The following XKR9 variants were observed in gnomAD, a reference collection of about 807,000 sequenced individuals.
XKR9 encodes the protein XK-related protein 9.
In XKR9, 32 loss-of-function variants were observed where a neutral mutation model predicts 32.0. The ratio of observed to expected loss-of-function variants is 1.00; its 90% confidence interval spans 0.76 to 1.34. The LOEUF is 1.34. Among genes scored for constraint, XKR9 ranks in the 40% most tolerant of loss-of-function variants. XKR9 has a pLI of 0.00. For missense variants in XKR9, 546 were observed against 429.7 expected (o/e 1.27, Z -2.39); for synonymous variants, 168 against 143.4 (o/e 1.17, Z -1.22).
intron 3 of XKR9, among the ~76,000 whole-genome samples, chr8:70,690,753 A>G (rs529660491): frequency 1.3e-4 from 20 of 152,246 alleles, no homozygotes; most frequent in South Asian, 1.0e-3. Flanking sequence ...GGCAAAAGAC[A>G]TGATCTGGTT....
chr8:70,759,807 A>G (rs1050028673), intron 2 of XKR9, among the ~76,000 whole-genome samples: 2 of 152,342 alleles, frequency 1.3e-5, no homozygotes, highest in South Asian at 2.1e-4. Flanking sequence ...AAAATAATGT[A>G]TTAGTTCAAA....
chr8:71,050,232 C>A, the XKR9 span, among the ~76,000 whole-genome samples: 6 of 97,604 alleles, frequency 6.1e-5, no homozygotes, highest in Non-Finnish European at 1.4e-4. Flanking sequence ...TTATGCCTGG[C>A]AGAGATATAT....
At chr8:70,877,974 C>G in the XKR9 span, among the ~76,000 whole-genome samples, 4 of 152,170 alleles carry the variant, frequency 2.6e-5, no homozygotes, top group Non-Finnish European at 5.9e-5. Context: ...AGAAGAAACC[C>G]TATAAGCCAG....
intron 2 of XKR9, among the ~76,000 whole-genome samples, chr8:70,760,881 G>A (rs990514937): frequency 6.6e-6 from 1 of 151,920 alleles, no homozygotes; most frequent in African/African-American, 2.4e-5. Flanking sequence ...CTGCCTTCTG[G>A]TAGGCCCAGT....
At chr8:70,813,011 C>G in the XKR9 span, among the ~76,000 whole-genome samples, 1 of 152,094 alleles carries the variant, frequency 6.6e-6, no homozygotes, top group Non-Finnish European at 1.5e-5. Context: ...AAGAACAAAG[C>G]TGGAGGCATC....
intron 4 of XKR9, among the ~76,000 whole-genome samples, chr8:70,724,072 A>C (rs1485622118): frequency 1.3e-5 from 2 of 151,930 alleles, no homozygotes; most frequent in African/African-American, 4.8e-5. Flanking sequence ...TTTTCTTCGG[A>C]GATGCCCTGC....
the XKR9 span, among the ~76,000 whole-genome samples, chr8:70,929,631 C>T: frequency 6.6e-6 from 1 of 152,164 alleles, no homozygotes; most frequent in Non-Finnish European, 1.5e-5. Flanking sequence ...GTTTATGTTT[C>T]CTTCCTGGCT....
chr8:70,755,598 T>C (rs1807210681), intron 2 of XKR9, among the ~76,000 whole-genome samples: 1 of 152,124 alleles, frequency 6.6e-6, no homozygotes, highest in African/African-American at 2.4e-5. Flanking sequence ...GATGAGTTCA[T>C]GTCCTTTGTA....
intron 1 of XKR9, among the ~76,000 whole-genome samples, chr8:70,673,351 T>C (rs1173554342): frequency 6.6e-6 from 1 of 152,182 alleles, no homozygotes; most frequent in Non-Finnish European, 1.5e-5. Flanking sequence ...GATGAAGGAA[T>C]AGGCCAAATG....
At chr8:70,929,186 G>C in the XKR9 span, among the ~76,000 whole-genome samples, 1 of 152,184 alleles carries the variant, frequency 6.6e-6, no homozygotes, top group East Asian at 1.9e-4. Flanking sequence ...AATAGAACTT[G>C]TCATGGTGAT....
chr8:70,910,218 G>T, the XKR9 span, among the ~76,000 whole-genome samples: 4 of 152,088 alleles, frequency 2.6e-5, no homozygotes, highest in Non-Finnish European at 4.4e-5. Flanking sequence ...AGAGTAAAAG[G>T]CACCTTTCCA....
At chr8:70,696,673 C>T (rs268604) in intron 3 of XKR9, among the ~76,000 whole-genome samples, 130,047 of 134,676 alleles carry the variant, frequency 0.97, 62,961 homozygotes, top group East Asian at 1. Context: ...CGGGCTCTTT[C>T]TTGTTTCCAT....
At chr8:70,795,344 T>C (rs1356338493), downstream of XKR9, among the ~76,000 whole-genome samples, 1 of 152,184 alleles carries the variant, frequency 6.6e-6, no homozygotes, top group Non-Finnish European at 1.5e-5. Context: ...GTGGTGTATA[T>C]GTACCATATT....
At chr8:70,836,214 G>A in the XKR9 span, among the ~76,000 whole-genome samples, 4 of 151,852 alleles carry the variant, frequency 2.6e-5, no homozygotes, top group African/African-American at 7.3e-5. Flanking sequence ...TAATTTTTTA[G>A]GTACAATTTT....
chr8:70,834,464 T>TAG, the XKR9 span, among the ~76,000 whole-genome samples: 1 of 152,176 alleles, frequency 6.6e-6, no homozygotes, highest in African/African-American at 2.4e-5. Context: ...AATCTATGAT[T>TAG]CTCCTATCCT....
At chr8:70,923,621 G>A in the XKR9 span, among the ~76,000 whole-genome samples, 1 of 152,196 alleles carries the variant, frequency 6.6e-6, no homozygotes, top group Non-Finnish European at 1.5e-5. Flanking sequence ...CAACCACAGT[G>A]GGTTAAGCCT....
the XKR9 span, among the ~76,000 whole-genome samples, chr8:70,995,693 T>A: frequency 1.3e-5 from 2 of 152,196 alleles, no homozygotes; most frequent in Non-Finnish European, 2.9e-5. Flanking sequence ...TAAAATTTTT[T>A]TTTCTAGAAA....
chr8:70,715,326 A>G (rs1051579304), intron 4 of XKR9, among the ~76,000 whole-genome samples: 1 of 152,168 alleles, frequency 6.6e-6, no homozygotes, highest in Non-Finnish European at 1.5e-5. Context: ...GAGAGAAAGT[A>G]AGCAAGAATA....
chr8:70,970,903 T>C, the XKR9 span, among the ~76,000 whole-genome samples: 3 of 152,226 alleles, frequency 2.0e-5, no homozygotes, highest in African/African-American at 7.2e-5. Flanking sequence ...TGGCGATTCC[T>C]TAAAGATCTA....
Sources: allele counts gnomAD v4.1 joint callset (sites outside exome capture counted in the v4.1 genomes callset), GRCh38; gene constraint gnomAD v4.1.1; transcripts MANE v1.5; gene names NCBI Gene and HGNC (gene_info 2026-07-23, HGNC 2026-07-21).